PCDHA9: variants seen among roughly 807,000 people sequenced by gnomAD.
PCDHA9 encodes the protein protocadherin alpha-9.
PCDHA9 carries 62 observed loss-of-function variants against 62.0 expected under a neutral mutation model. The ratio of observed to expected loss-of-function variants is 1.00; its 90% CI spans 0.81 to 1.23. The LOEUF is 1.23. PCDHA9 is among the 50% of genes most tolerant of loss of function. The pLI is 0.00. For synonymous variants in PCDHA9, 557 were observed against 567.6 expected, an observed-to-expected ratio of 0.98 and a Z score of 0.27; for missense variants, 1,205 against 1,249.8, an observed-to-expected ratio of 0.96 and a Z score of 0.54.
intron 1 of PCDHA9, chr5:140,966,728 TCCG>T (rs1554228593): frequency 2.8e-6 from 4 of 1,404,870 alleles, no homozygotes; most frequent in Non-Finnish European, 3.7e-6. Flanking sequence ...AGCTGCCGCC[TCCG>T]GCCCTGCCCG....
chr5:140,961,728 A>G (rs2095632104), intron 1 of PCDHA9, among the ~76,000 whole-genome samples: 1 of 152,192 alleles, frequency 6.6e-6, no homozygotes, highest in East Asian at 1.9e-4. Context: ...GCTCATAAAC[A>G]ATCACTTTAG....
At chr5:140,880,010 A>G (rs958851507) in intron 1 of PCDHA9, among the ~76,000 whole-genome samples, 1 of 152,232 alleles carries the variant, frequency 6.6e-6, no homozygotes, top group African/African-American at 2.4e-5. Flanking sequence ...TATTCACCAT[A>G]TAAAGTAAAA....
At chr5:140,902,974 A>T (rs1291767760) in intron 1 of PCDHA9, among the ~76,000 whole-genome samples, 1 of 152,178 alleles carries the variant, frequency 6.6e-6, no homozygotes, top group African/African-American at 2.4e-5. Context: ...ATGGGCATTT[A>T]GGTTGGTTCC....
At chr5:140,882,545 G>C (rs1174281421) in intron 1 of PCDHA9, 1 of 1,614,120 alleles carries the variant, frequency 6.2e-7, no homozygotes, top group African/African-American at 1.3e-5. Flanking sequence ...GATCGACCGC[G>C]AGGAGCTGTG....
intron 1 of PCDHA9, among the ~76,000 whole-genome samples, chr5:140,973,691 T>C (rs1420618979): frequency 6.6e-6 from 1 of 152,224 alleles, no homozygotes; most frequent in Non-Finnish European, 1.5e-5. Context: ...GGCCTACTGT[T>C]TCCTTCTGAC....
intron 1 of PCDHA9, among the ~76,000 whole-genome samples, chr5:140,931,683 A>C (rs1482331530): frequency 6.6e-6 from 1 of 151,950 alleles, no homozygotes; most frequent in Non-Finnish European, 1.5e-5. Flanking sequence ...AAATAAATGA[A>C]TTGTGATTCA....
Position 140,850,214 on chromosome 5 carries a change from T to A in PCDHA9, c.1719T>A (p.Thr573=), listed in dbSNP as rs1554143992. 6.3e-7 allele frequency: 1 copy of A among 1,593,328 alleles called. No homozygotes were observed. Among genetic ancestry groups the A allele is most frequent in the African/African-American group, 1.3e-5 (1 of 74,204 alleles). Residue 573 remains threonine (T), a synonymous_variant, in exon 1 of 4, where the codon ACT becomes ACA. Coordinates refer to ENST00000532602, the MANE Select transcript of PCDHA9 (RefSeq NM_031857.2). ...PALLTPRMRG[T]DGAVSEMVLR... is the part of the protein sequence containing the mutation. ...TGCTGACACCTCGGATGAGGGGCACTGACGGCGCAGTGAGCGAGATGGTGC... is the reference window on the plus strand; with the variant it reads ...TGCTGACACCTCGGATGAGGGGCACAGACGGCGCAGTGAGCGAGATGGTGC...
intron 3 of PCDHA9, among the ~76,000 whole-genome samples, chr5:141,003,100 T>TTCACAATC (rs1311391173): frequency 6.6e-6 from 1 of 152,240 alleles, no homozygotes; most frequent in African/African-American, 2.4e-5. Flanking sequence ...TGGCATTTGC[T>TTCACAATC]TCACAATCTT....
intron 1 of PCDHA9, among the ~76,000 whole-genome samples, chr5:140,972,062 A>G (rs1398109338): frequency 6.6e-6 from 1 of 152,246 alleles, no homozygotes; most frequent in Admixed American, 6.5e-5. Flanking sequence ...AGTCGTATAT[A>G]TTAACTGCTT....
chr5:140,857,728 C>G, intron 1 of PCDHA9: 1 of 1,597,418 alleles, frequency 6.3e-7, no homozygotes, highest in Non-Finnish European at 8.6e-7. Context: ...AGAACGACAA[C>G]GCTCCCGCGC....
Position 140,856,394 on chromosome 5 carries a change from T to C in PCDHA9, c.2394+5505T>C, listed in dbSNP as rs782124565. On this transcript the variant is annotated intron_variant, in intron 1 of 3. Coordinates refer to ENST00000532602, the MANE Select transcript of PCDHA9 (RefSeq NM_031857.2). The stretch of plus-strand genomic sequence containing the variant: ...GATCGTGGACAGGCCGCTGCAGGTT[T>C]TCCATGTGGACGTGGAAGTGAAGGA... The C allele has an allele frequency of 2.5e-6, 4 of 1,598,384 alleles. No individual in the cohort carries two copies. The African/African-American group carries it at 5.4e-5, about 22-fold the overall frequency.
rs113613111 is a variant in PCDHA9, at chr5:140,862,633, G to A, written c.2394+11744G>A. The A allele has an allele frequency of 2.9e-3, 1,533 of 537,306 alleles. 20 individuals are homozygous for A. The highest frequency in any genetic ancestry group is 0.024 in the African/African-American group (1,268 of 52,230). 33.3% of individuals were successfully genotyped at this position (537,306 alleles called of 1,614,324 possible). Reference sequence around the variant, plus strand: ...AGGTAACAACCCGCGGGGCTGCCACGACTTCACAGTGTCCGCGCGGGACCG... The same window carrying A: ...AGGTAACAACCCGCGGGGCTGCCACAACTTCACAGTGTCCGCGCGGGACCG... On this transcript the variant is annotated intron_variant, in intron 1 of 3. Transcript: ENST00000532602.
chr5:140,871,522 A>G (rs1554165699), intron 1 of PCDHA9: 1 of 1,549,186 alleles, frequency 6.5e-7, no homozygotes, highest in Non-Finnish European at 8.7e-7. Context: ...TCCACCTATC[A>G]GGAAGTGTAT....
chr5:140,868,245 C>T (rs1264028092), intron 1 of PCDHA9: 1 of 152,002 alleles, frequency 6.6e-6, no homozygotes, highest in Non-Finnish European at 1.5e-5. Context: ...GATCAATAGA[C>T]TTTTCCTTTG....
rs2053195452 is a variant in PCDHA9, at chr5:140,871,568, T to G, written c.2394+20679T>G. ...TTAAAATCCAGTTTTTTTTCACGGATTTTTTAAGGGAAAGTTTTATGAATA... is the reference window on the plus strand; with the variant it reads ...TTAAAATCCAGTTTTTTTTCACGGAGTTTTTAAGGGAAAGTTTTATGAATA... On this transcript the variant is annotated intron_variant, in intron 1 of 3. Coordinates refer to ENST00000532602, the MANE Select transcript of PCDHA9 (RefSeq NM_031857.2). 4.7e-6 allele frequency: 7 copies of G among 1,481,802 alleles called. No homozygotes were observed. In the East Asian group the frequency reaches 1.7e-4, roughly 37 times the overall value. The allele number at this position is 1,481,802 out of a possible 1,614,324, so 91.8% of individuals were successfully genotyped here. A position where few individuals can be genotyped will look rare whatever the true frequency, so the allele number is the denominator to read the frequency against.
rs1414020840 is a variant in PCDHA9, at chr5:140,920,855, AAAAC to A, written c.2395-58085_2395-58082del. On this transcript the variant is annotated intron_variant, in intron 1 of 3. Transcript: ENST00000532602. ...AAGACCAAATCTAAAAAAAAAAAAA[AAAAC>A]AAACAAACTGTGGCCCTTAGAACTT... Among the ~76,000 whole-genome samples the A allele has an allele frequency of 3.9e-5, 6 of 152,094 alleles. No homozygotes were observed. The East Asian group carries it at 5.8e-4, about 15-fold the overall frequency.
At chr5:140,971,372 A>G (rs1554233263) in intron 1 of PCDHA9, among the ~76,000 whole-genome samples, 1 of 152,214 alleles carries the variant, frequency 6.6e-6, no homozygotes, top group Non-Finnish European at 1.5e-5. Flanking sequence ...AGGAGAGTGC[A>G]TGACTTTAAT....
chr5:140,940,164 A>G (rs2092564000), intron 1 of PCDHA9, among the ~76,000 whole-genome samples: 1 of 152,170 alleles, frequency 6.6e-6, no homozygotes, highest in Non-Finnish European at 1.5e-5. Context: ...TTTGCCTGAA[A>G]TGTCATTCTT....
intron 1 of PCDHA9, among the ~76,000 whole-genome samples, chr5:140,953,493 A>G (rs959606912): frequency 8.5e-5 from 13 of 152,108 alleles, no homozygotes; most frequent in Non-Finnish European, 1.5e-5. Flanking sequence ...CACAACCTTG[A>G]TCAGCTATTA....
Sources: gnomAD v4.1 joint callset for allele counts (sites outside exome capture counted in the v4.1 genomes callset) on GRCh38, gnomAD v4.1.1 for gene constraint, MANE v1.5 for transcripts, NCBI Gene and HGNC (gene_info 2026-07-23, HGNC 2026-07-21) for gene names.